The following ACOT12 variants were observed in gnomAD, a reference collection of about 807,000 sequenced individuals.
ACOT12 encodes acyl-CoA thioesterase 12.
A neutral mutation model predicts 67.7 loss-of-function variants in ACOT12; 51 were observed. The observed-to-expected ratio is 0.75, with a 90% CI of 0.60 to 0.95. The LOEUF is 0.95. ACOT12 is among the 40% of genes least tolerant of loss of function. ACOT12 has a pLI of 0.00. For synonymous variants in ACOT12, 251 were observed against 244.6 expected, an observed-to-expected ratio of 1.03 and a Z score of -0.24; for missense variants, 734 against 708.1, an observed-to-expected ratio of 1.04 and a Z score of -0.41.
chr5:81,369,425 G>T (rs995489182), intron 3 of ACOT12, among the ~76,000 whole-genome samples: 5 of 152,206 alleles, frequency 3.3e-5, no homozygotes, highest in Non-Finnish European at 5.9e-5. Context: ...TGAACAGGAA[G>T]ACGCTAAAGG....
intron 1 of ACOT12, among the ~76,000 whole-genome samples, chr5:81,391,640 A>G (rs1228893635): frequency 6.6e-6 from 1 of 152,244 alleles, no homozygotes; most frequent in Non-Finnish European, 1.5e-5. Flanking sequence ...TCAGATTAGC[A>G]TCTTCAAAGA....
At chr5:81,392,738 C>A (rs1314576514) in intron 1 of ACOT12, among the ~76,000 whole-genome samples, 1 of 142,774 alleles carries the variant, frequency 7.0e-6, no homozygotes, top group African/African-American at 2.6e-5. Context: ...TATAACCAAT[C>A]TCAAATCCTG....
chr5:81,366,245 A>G (rs1047975874), intron 3 of ACOT12, among the ~76,000 whole-genome samples: 6 of 152,228 alleles, frequency 3.9e-5, no homozygotes, highest in Non-Finnish European at 8.8e-5. Flanking sequence ...GAAAAGTCTG[A>G]CACTCTTTTT....
In ACOT12 at chr5:81,394,070, G is replaced by C; in HGVS notation, c.45C>G (p.Ile15Met). ...APGEVVMSQA[I>M]QPAHATARGE... ...CGCGCGCAGTGGCGTGCGCCGGCTG[G>C]ATGGCTTGGCTCATGACCACCTCGC... Residue 15 changes from isoleucine to methionine, a missense_variant, in exon 1 of 15, where the codon ATC becomes ATG. By Grantham distance (10) the Ile-to-Met change is conservative. Coordinates refer to ENST00000307624, the MANE Select transcript of ACOT12 (RefSeq NM_130767.3). The C allele has an allele frequency of 6.8e-7, 1 of 1,472,954 alleles. No homozygotes were observed. The highest frequency in any genetic ancestry group is 8.9e-7 in the Non-Finnish European group (1 of 1,118,796). The allele number at this position is 1,472,954 out of a possible 1,614,324, so 91.2% of individuals were successfully genotyped here.
At chr5:81,349,537 C>T (rs113477643) in intron 5 of ACOT12, among the ~76,000 whole-genome samples, 4,016 of 152,180 alleles carry the variant, frequency 0.026, 170 homozygotes, top group African/African-American at 0.09. Flanking sequence ...ACTCTGTGGC[C>T]CCCCCTTGGT....
In ACOT12 at chr5:81,330,898, C is replaced by T. The variant is rs201238324; in HGVS notation, c.1434G>A (p.Ser478=). ...TVAVKSVILP[S]VPPSPQYIRS... ...TGATGTACTGTGGAGACGGGGGGAC[C>T]GATGGCAAAATGACCGACTTCACTG... The change falls in exon 14 of 15, where the codon TCG becomes TCA. Residue 478 remains serine, a synonymous_variant. Transcript: ENST00000307624. 83 of 1,611,916 alleles carry T rather than the reference C, an allele frequency of 5.1e-5. No homozygotes were observed. The highest frequency in any genetic ancestry group is 6.3e-5 in the Non-Finnish European group (74 of 1,179,090).
intron 2 of ACOT12, among the ~76,000 whole-genome samples, chr5:81,375,966 A>G (rs1396362861): frequency 6.6e-6 from 1 of 152,196 alleles, no homozygotes; most frequent in Non-Finnish European, 1.5e-5. Context: ...CAGAACTTGA[A>G]CTCAGCTCTG....
At chr5:81,317,501 CA>C in the ACOT12 span, among the ~76,000 whole-genome samples, 38,407 of 108,924 alleles carry the variant, frequency 0.35, 5,549 homozygotes, top group African/African-American at 0.49. Context: ...GACTCCATCC[CA>C]AAAAAAAAAA....
rs776956622 is a variant in ACOT12, at chr5:81,342,714, C to T, written c.1086G>A (p.Leu362=). Residue 362 remains leucine, a synonymous_variant, in exon 11 of 15, where the codon CTG becomes CTA. Transcript: ENST00000307624. ...TAACCTCCCAACCCCTTTTGGCTGC[C>T]AGTTTTTTGAGGGCCTCCACATTGC... ...SDSNVEALKK[L]AAKRGWEVTS... is the part of the protein sequence containing the mutation. 6.2e-7 allele frequency: 1 copy of T among 1,614,168 alleles called. No homozygotes were observed. The highest frequency in any genetic ancestry group is 2.2e-5 in the East Asian group (1 of 44,884).
In ACOT12 at chr5:81,375,717, C is replaced by T. The variant is rs1044717649; in HGVS notation, c.198-3907G>A. On this transcript the variant is annotated intron_variant, in intron 2 of 14. Transcript: ENST00000307624. ...AGTTTCTGATAAAACAGACTTTAAA[C>T]CAACAAAGATCAAAAGAGACAAAGA... is the stretch of plus-strand genomic sequence containing the variant. 3.3e-5 allele frequency among the ~76,000 whole-genome samples: 5 copies of T among 149,874 alleles called. No homozygotes were observed. The East Asian group carries it at 9.7e-4, about 29-fold the overall frequency.
chr5:81,308,906 T>C, the ACOT12 span: 2 of 1,539,876 alleles, frequency 1.3e-6, no homozygotes, highest in Non-Finnish European at 1.8e-6. Flanking sequence ...TGACTTGCCA[T>C]ATGTATTGTC....
chr5:81,365,469 A>G (rs985190874), intron 3 of ACOT12, among the ~76,000 whole-genome samples: 1 of 152,232 alleles, frequency 6.6e-6, no homozygotes, highest in Non-Finnish European at 1.5e-5. Context: ...ATGAAAAATA[A>G]AATAAAATAC....
At chr5:81,358,602 C>A (rs1001344337) in intron 5 of ACOT12, among the ~76,000 whole-genome samples, 2 of 152,184 alleles carry the variant, frequency 1.3e-5, no homozygotes, top group African/African-American at 2.4e-5. Context: ...GTAATCCCAG[C>A]ACTTTGGGAG....
At position 81,378,658 on chromosome 5, in the gene ACOT12, A is replaced by C. The variant is rs182926951; in HGVS notation, c.198-6848T>G. Among the ~76,000 whole-genome samples, 782 of 152,314 alleles carry C rather than the reference A, an allele frequency of 5.1e-3. 4 individuals are homozygous for C. Among genetic ancestry groups the C allele is most frequent in the Admixed American group, 9.5e-3 (145 of 15,304 alleles). On this transcript the variant is annotated intron_variant, in intron 2 of 14. Coordinates refer to ENST00000307624, the MANE Select transcript of ACOT12 (RefSeq NM_130767.3). ...TTTACAAGAAAAAAACAACCCCATC[A>C]AAAAGTGGGCGGAGGATATGAACAG...
intron 10 of ACOT12, among the ~76,000 whole-genome samples, chr5:81,343,088 G>C (rs547208381): frequency 1.3e-5 from 2 of 152,252 alleles, no homozygotes; most frequent in South Asian, 4.2e-4. Flanking sequence ...GGCTGAGGCA[G>C]AAGAATCGCT....
At chr5:81,336,684 T>A (rs1050804229) in intron 11 of ACOT12, among the ~76,000 whole-genome samples, 1 of 152,226 alleles carries the variant, frequency 6.6e-6, no homozygotes, top group African/African-American at 2.4e-5. Flanking sequence ...CCGTTTTCTT[T>A]ATCTCTTTCA....
chr5:81,371,842 G>C, intron 2 of ACOT12, 32 bp from the exon 3 acceptor site: 1 of 1,584,426 alleles, frequency 6.3e-7, no homozygotes, highest in Non-Finnish European at 8.7e-7. Flanking sequence ...AACCTCAGTA[G>C]TTTTAGCACA....
intron 5 of ACOT12, among the ~76,000 whole-genome samples, chr5:81,351,614 G>A (rs1019907616): frequency 2.0e-5 from 3 of 152,184 alleles, no homozygotes; most frequent in Non-Finnish European, 2.9e-5. Context: ...CAAAATGGAT[G>A]AAAGGCTTAA....
At chr5:81,315,115 C>T in the ACOT12 span, among the ~76,000 whole-genome samples, 41 of 152,272 alleles carry the variant, frequency 2.7e-4, no homozygotes, top group South Asian at 7.7e-3. Flanking sequence ...GTTTCAGTCC[C>T]GTCTTTTCAC....
Sources: gnomAD v4.1 joint callset for allele counts (sites outside exome capture counted in the v4.1 genomes callset) on GRCh38, gnomAD v4.1.1 for gene constraint, MANE v1.5 for transcripts, NCBI Gene and HGNC (gene_info 2026-07-23, HGNC 2026-07-21) for gene names.